The following GRIN3B variants were observed in gnomAD, a reference collection of about 807,000 sequenced individuals.
GRIN3B encodes the protein glutamate ionotropic receptor NMDA type subunit 3B.
GRIN3B carries 77 observed loss-of-function variants against 66.0 expected under a neutral mutation model. That is an observed-to-expected ratio of 1.17 (90% CI 0.97 to 1.41). GRIN3B has a LOEUF of 1.41. GRIN3B is among the 40% of genes most tolerant of loss of function. The pLI, the probability that GRIN3B is intolerant of heterozygous loss-of-function variation, is 0.00. For missense variants in GRIN3B, 1,787 were observed against 1,564.5 expected (o/e 1.14, Z -2.40); for synonymous variants, 823 against 749.7 (o/e 1.10, Z -1.60).
At position 1,003,480 on chromosome 19, in the gene GRIN3B, G is replaced by C. The variant is rs1289887601; in HGVS notation, c.777G>C (p.Leu259=). 6.5e-7 allele frequency: 1 copy of C among 1,537,978 alleles called. No individual in the cohort carries two copies. Among genetic ancestry groups the C allele is most frequent in the Middle Eastern group, 1.7e-4 (1 of 5,944 alleles). ...LEAVPPGPHW[L]LGTPLPPKAL... is the part of the protein sequence containing the mutation. ...CCGTACCTCCCGGCCCCCACTGGCT[G>C]TTGGGGACACCACTGCCGCCCAAGG... is the stretch of plus-strand genomic sequence containing the variant. The change falls in exon 2 of 9, where the codon CTG becomes CTC. Residue 259 remains leucine, a synonymous_variant. Transcript: ENST00000234389.
rs4806909 is a variant in GRIN3B at position 1,004,845 on chromosome 19, T to C, written c.1344T>C (p.Pro448=). ...CAGCGGGGCAGCTGTGCCTGGACCCTGGCACCAACGACTCGGCCACCCTGG... is the reference window on the plus strand; with the variant it reads ...CAGCGGGGCAGCTGTGCCTGGACCCCGGCACCAACGACTCGGCCACCCTGG... The part of the protein sequence containing the change: ...QCPAGQLCLD[P]GTNDSATLDA... The change falls in exon 3 of 9, where the codon CCT becomes CCC. Residue 448 remains proline, a synonymous_variant. Transcript: ENST00000234389. 0.38 allele frequency: 608,379 copies of C among 1,611,130 alleles called. 117,203 individuals carry two copies. Among genetic ancestry groups the C allele is most frequent in the African/African-American group, 0.42 (31,561 of 74,946 alleles).
Position 1,005,038 on chromosome 19 carries a change from T to C in GRIN3B, c.1537T>C (p.Trp513Arg). ...GKYGALRDGRWTGLVGDLLAG... is the reference protein window; with the variant it reads ...GKYGALRDGRRTGLVGDLLAG... ...GTACGGCGCCCTGCGGGACGGCCGC[T>C]GGACCGGCCTGGTCGGGGACCTGCT... is the stretch of plus-strand genomic sequence containing the variant. Residue 513 changes from tryptophan to arginine, a missense_variant, in exon 3 of 9, where the codon TGG becomes CGG. Coordinates refer to ENST00000234389, the MANE Select transcript of GRIN3B (RefSeq NM_138690.3). This position sits in a 1 kb window ranked among gnomAD's most constrained non-coding sequence, Gnocchi z 5.2. 6.2e-7 allele frequency: 1 copy of C among 1,611,576 alleles called. No individual in the cohort carries two copies. Among genetic ancestry groups the C allele is most frequent in the Non-Finnish European group, 8.5e-7 (1 of 1,179,178 alleles).
rs972486782 is a variant in GRIN3B, at chr19:1,007,590, A to AG, written c.2053-34dup. ...CGCCCCTCAATGGTCAGGGGTCCTGAGGGGCAGGCAGAGGCGCTGACGGGG... is the reference window on the plus strand; with the variant it reads ...CGCCCCTCAATGGTCAGGGGTCCTGAGGGGGCAGGCAGAGGCGCTGACGGGG... On this transcript the variant is annotated intron_variant, in intron 3 of 8. Coordinates refer to ENST00000234389, the MANE Select transcript of GRIN3B (RefSeq NM_138690.3). The surrounding 1 kb of genome is among the most constrained non-coding windows in gnomAD (Gnocchi z 4.4). 2.0e-5 allele frequency: 29 copies of AG among 1,447,332 alleles called. No individual in the cohort carries two copies. Among genetic ancestry groups the AG allele is most frequent in the Non-Finnish European group, 2.5e-5 (28 of 1,102,192 alleles). 89.7% of individuals were successfully genotyped at this position (1,447,332 alleles called of 1,614,324 possible). A position where few individuals can be genotyped will look rare whatever the true frequency, so the allele number is the denominator to read the frequency against.
rs1418162228 is a variant in GRIN3B at position 1,007,740 on chromosome 19, C to T, written c.2165C>T (p.Ala722Val). Residue 722 changes from alanine to valine, a missense_variant, in exon 4 of 9, where the codon GCG (alanine) becomes GTG (valine). Physicochemically the swap from Ala to Val is moderately conservative, Grantham distance 64. Coordinates refer to ENST00000234389, the MANE Select transcript of GRIN3B (RefSeq NM_138690.3). This position sits in a 1 kb window ranked among gnomAD's most constrained non-coding sequence, Gnocchi z 4.4. ...DMHAHMRRHS[A>V]PTTPRGVAML... ...CACGCACACATGCGGCGCCACAGCG[C>T]GCCCACCACGCCCCGCGGCGTCGCC... is the stretch of plus-strand genomic sequence containing the variant. 2.0e-6 allele frequency: 3 copies of T among 1,520,676 alleles called. No homozygotes were observed. Among genetic ancestry groups the T allele is most frequent in the Non-Finnish European group, 2.6e-6 (3 of 1,135,664 alleles). 94.2% of individuals were successfully genotyped at this position (1,520,676 alleles called of 1,614,324 possible). A position where few individuals can be genotyped will look rare whatever the true frequency, so the allele number is the denominator to read the frequency against.
In GRIN3B at chr19:1,005,623, G is replaced by T. The variant is rs1042554929; in HGVS notation, c.2052+70G>T. ...GTGGCCCCGGGCTGGGCTGTGTGGG[G>T]CAGGGGTGGTCAGCTGGACGTGGAG... On this transcript the variant is annotated intron_variant, in intron 3 of 8. Transcript: ENST00000234389. This position sits in a 1 kb window ranked among gnomAD's most constrained non-coding sequence, Gnocchi z 5.2. 13 of 1,278,368 alleles carry T rather than the reference G, an allele frequency of 1.0e-5. No individual in the cohort carries two copies. Among genetic ancestry groups the T allele is most frequent in the Non-Finnish European group, 1.4e-5 (13 of 941,828 alleles). The allele number at this position is 1,278,368 out of a possible 1,614,324, so 79.2% of individuals were successfully genotyped here.
intron 3 of GRIN3B, among the ~76,000 whole-genome samples, chr19:1,006,779 C>T (rs1425553177): frequency 6.6e-6 from 1 of 152,164 alleles, no homozygotes; most frequent in African/African-American, 2.4e-5. Context: ...CGACTGCTGC[C>T]GGCGGCTCTT....
In GRIN3B at chr19:1,004,649, G is replaced by C; in HGVS notation, c.1148G>C (p.Trp383Ser). Residue 383 changes from tryptophan to serine, a missense_variant, in exon 3 of 9, where the codon TGG becomes TCG. Transcript: ENST00000234389. The stretch of plus-strand genomic sequence containing the variant: ...CGGGACCCACGGGGCGCCCCGGCCT[G>C]GGCCACGGTGGGCAGCTGGCGGGAC... ...LRRDPRGAPAWATVGSWRDGQ... is the reference protein window; with the variant it reads ...LRRDPRGAPASATVGSWRDGQ... 1 of 1,598,942 alleles carries C rather than the reference G, an allele frequency of 6.3e-7. No individual in the cohort carries two copies. The highest frequency in any genetic ancestry group is 8.5e-7 in the Non-Finnish European group (1 of 1,173,420).
At position 1,007,792 on chromosome 19, in the gene GRIN3B, T is replaced by A; in HGVS notation, c.2198+19T>A. Reference sequence around the variant, plus strand: ...TGCTCACGTGAGCCCGGGCGCGGGGTGAGGCGGGGGCGGGGCGTGGGGTGG... The same window carrying A: ...TGCTCACGTGAGCCCGGGCGCGGGGAGAGGCGGGGGCGGGGCGTGGGGTGG... On this transcript the variant is annotated intron_variant, in intron 4 of 8. Transcript: ENST00000234389. This position sits in a 1 kb window ranked among gnomAD's most constrained non-coding sequence, Gnocchi z 4.4. 2 of 1,508,728 alleles carry A rather than the reference T, an allele frequency of 1.3e-6. No homozygotes were observed. Among genetic ancestry groups the A allele is most frequent in the Non-Finnish European group, 1.8e-6 (2 of 1,129,320 alleles). 93.5% of individuals were successfully genotyped at this position (1,508,728 alleles called of 1,614,324 possible).
chr19:1,003,758 C>T (rs200097479), intron 2 of GRIN3B, 36 bp downstream of exon 2: 885 of 1,364,540 alleles, frequency 6.5e-4, no homozygotes, highest in Middle Eastern at 2.7e-3. Flanking sequence ...GGAGGGTGTC[C>T]AGGCCACTGA....
Position 1,004,566 on chromosome 19 carries a change from G to A in GRIN3B, c.1065G>A (p.Trp355Ter). 6.2e-7 allele frequency: 1 copy of A among 1,609,756 alleles called. No homozygotes were observed. Among genetic ancestry groups the A allele is most frequent in the South Asian group, 1.1e-5 (1 of 90,538 alleles). Residue 355 changes from tryptophan (W) to a stop codon, truncating the protein, a stop_gained, in exon 3 of 9, where the codon TGG becomes TGA. Coordinates refer to ENST00000234389, the MANE Select transcript of GRIN3B (RefSeq NM_138690.3). LOFTEE classifies it high-confidence loss of function. ...TCCAGGGCCGCACGGGCCCCGTGTG[G>A]GTGACAGGCAGCTCCCAGGTACACA... ...TSFQGRTGPV[W>*]VTGSSQVHMS...
intron 1 of GRIN3B, 101 bp from the exon 2 acceptor site, chr19:1,003,029 C>T (rs2038698957): frequency 1.0e-5 from 8 of 765,504 alleles, no homozygotes; most frequent in Non-Finnish European, 1.6e-5. Context: ...GAGGTGCAGC[C>T]ATCCAGCTGG....
chr19:1,005,935 C>T lies in GRIN3B; in HGVS notation c.2052+382C>T, dbSNP rs1197666703. 2.0e-5 allele frequency among the ~76,000 whole-genome samples: 3 copies of T among 151,976 alleles called. No individual in the cohort carries two copies. Among genetic ancestry groups the T allele is most frequent in the Non-Finnish European group, 2.9e-5 (2 of 67,998 alleles). On this transcript the variant is annotated intron_variant, in intron 3 of 8. Coordinates refer to ENST00000234389, the MANE Select transcript of GRIN3B (RefSeq NM_138690.3). This position sits in a 1 kb window ranked among gnomAD's most constrained non-coding sequence, Gnocchi z 5.2. Reference sequence around the variant, plus strand: ...AGGAGAATCACTTGAACCCAGGAGGCGGAGGTTGCAGTGAATCAAGATGGC... The same window carrying T: ...AGGAGAATCACTTGAACCCAGGAGGTGGAGGTTGCAGTGAATCAAGATGGC...
At position 1,005,407 on chromosome 19, in the gene GRIN3B, A is replaced by T. The variant is rs1308706336; in HGVS notation, c.1906A>T (p.Thr636Ser). The T allele has an allele frequency of 1.2e-5, 20 of 1,613,412 alleles. No individual in the cohort carries two copies. The highest frequency in any genetic ancestry group is 1.7e-5 in the Admixed American group (1 of 59,988). The change falls in exon 3 of 9, where the codon ACG becomes TCG. Residue 636 changes from threonine (T) to serine (S), a missense_variant. Physicochemically the swap from Thr to Ser is moderately conservative, Grantham distance 58. Transcript: ENST00000234389. The surrounding 1 kb of genome is among the most constrained non-coding windows in gnomAD (Gnocchi z 5.2). ...CTTCAGACGCACCGTGTCCAGCAAG[A>T]CGCCCAAGTGCCCCACGGGCCGCCT... is the stretch of plus-strand genomic sequence containing the variant. Reference protein sequence around the residue: ...ILFRRTVSSKTPKCPTGRLLM... With the variant: ...ILFRRTVSSKSPKCPTGRLLM...
Position 1,000,761 on chromosome 19 carries a change from G to A in GRIN3B, c.324G>A (p.Glu108=), listed in dbSNP as rs1349460070. 1 of 1,447,768 alleles carries A rather than the reference G, an allele frequency of 6.9e-7. No homozygotes were observed. The highest frequency in any genetic ancestry group is 2.7e-5 in the Admixed American group (1 of 37,506). The allele number at this position is 1,447,768 out of a possible 1,614,324, so 89.7% of individuals were successfully genotyped here. The stretch of plus-strand genomic sequence containing the variant: ...TGGCGGCCCTGCTCGCCTTTCCCGA[G>A]GCTCGGCCCGAGCTGCTGCAGCTGC... ...PGVAALLAFP[E]ARPELLQLHF... Residue 108 remains glutamate, a synonymous_variant, in exon 1 of 9, where the codon GAG becomes GAA. Coordinates refer to ENST00000234389, the MANE Select transcript of GRIN3B (RefSeq NM_138690.3).
rs980852398 is a variant in GRIN3B at position 1,008,210 on chromosome 19, G to C, written c.2385G>C (p.Lys795Asn). Residue 795 changes from lysine to asparagine, a missense_variant, in exon 6 of 9, where the codon AAG becomes AAC. Transcript: ENST00000234389. Reference sequence around the variant, plus strand: ...TGTCCGAGTTCATCAGCCGCTACAAGTCCTCCGGCTTCATCGACCTGCTCC... The same window carrying C: ...TGTCCGAGTTCATCAGCCGCTACAACTCCTCCGGCTTCATCGACCTGCTCC... ...SNLSEFISRY[K>N]SSGFIDLLHD... 1.3e-5 allele frequency: 21 copies of C among 1,612,320 alleles called. No individual in the cohort carries two copies. Among genetic ancestry groups the C allele is most frequent in the Non-Finnish European group, 1.7e-5 (20 of 1,179,638 alleles).
intron 1 of GRIN3B, chr19:1,002,896 A>G (rs4807397): frequency 0.32 from 126,691 of 398,236 alleles, 21,706 homozygotes; most frequent in Middle Eastern, 0.37. Flanking sequence ...AAAAAACACC[A>G]AGTGTGCCCA....
rs1157498191 is a variant in GRIN3B, at chr19:1,007,929, G to T, written c.2272G>T (p.Asp758Tyr). Residue 758 changes from aspartate to tyrosine, a missense_variant, in exon 5 of 9, where the codon GAC becomes TAC. Asp to Tyr is a radical substitution (Grantham distance 160, BLOSUM62 -3). Coordinates refer to ENST00000234389, the MANE Select transcript of GRIN3B (RefSeq NM_138690.3). The surrounding 1 kb of genome is among the most constrained non-coding windows in gnomAD (Gnocchi z 4.4). The stretch of plus-strand genomic sequence containing the variant: ...GGACTACGAGGTCTCCATCGACGCC[G>T]ACTGCAAACTGCTGACCGTGGGAAA... ...LLDYEVSIDA[D>Y]CKLLTVGKPF... 5.0e-6 allele frequency: 8 copies of T among 1,611,966 alleles called. No homozygotes were observed. The highest frequency in any genetic ancestry group is 1.1e-5 in the South Asian group (1 of 91,080).
intron 2 of GRIN3B, among the ~76,000 whole-genome samples, chr19:1,003,959 C>G (rs910988739): frequency 6.6e-6 from 1 of 152,238 alleles, no homozygotes; most frequent in Admixed American, 6.5e-5. Flanking sequence ...CGTGGTGACA[C>G]GCACCTGTAG....
Position 1,003,231 on chromosome 19 carries a change from G to A in GRIN3B, c.528G>A (p.Leu176=). 1 of 1,576,124 alleles carries A rather than the reference G, an allele frequency of 6.3e-7. No individual in the cohort carries two copies. Among genetic ancestry groups the A allele is most frequent in the South Asian group, 1.2e-5 (1 of 86,604 alleles). The change falls in exon 2 of 9, where the codon CTG becomes CTA. Residue 176 remains leucine, a synonymous_variant. Coordinates refer to ENST00000234389, the MANE Select transcript of GRIN3B (RefSeq NM_138690.3). Reference sequence around the variant, plus strand: ...CGCACGCCTGGGAAGACGTCGGCCTGGCCCTGTGCCGCACTCAGGACCCCG... The same window carrying A: ...CGCACGCCTGGGAAGACGTCGGCCTAGCCCTGTGCCGCACTCAGGACCCCG... ...LQAHAWEDVG[L]ALCRTQDPGG...
Sources: gnomAD v4.1 joint callset for allele counts (sites outside exome capture counted in the v4.1 genomes callset) on GRCh38, gnomAD v4.1.1 for gene constraint, Gnocchi (gnomAD v3.1) non-coding constraint, MANE v1.5 for transcripts, NCBI Gene and HGNC (gene_info 2026-07-23, HGNC 2026-07-21) for gene names.